Variants in ROBO1 observed in about 807,000 individuals in gnomAD.
The protein encoded by ROBO1 is roundabout guidance receptor 1.
In ROBO1, 149 loss-of-function variants were observed where a neutral mutation model predicts 195.9. The observed-to-expected ratio is 0.76, with a 90% confidence interval of 0.67 to 0.87. The LOEUF (loss-of-function observed/expected upper bound fraction) is 0.87. Among genes scored for constraint, ROBO1 ranks in the 40% least tolerant of loss-of-function variants. The pLI is 0.00. For missense variants in ROBO1, 1,933 were observed against 2,068.3 expected (o/e 0.93, Z 1.27); for synonymous variants, 816 against 733.2 (o/e 1.11, Z -1.82).
At chr3:78,676,800 A>G (rs926172734) in intron 10 of ROBO1, among the ~76,000 whole-genome samples, 4 of 152,188 alleles carry the variant, frequency 2.6e-5, no homozygotes, top group Non-Finnish European at 4.4e-5. Context: ...GCAGGCCAAC[A>G]TTCAGATTCA....
intron 14 of ROBO1, among the ~76,000 whole-genome samples, chr3:78,667,351 T>C (rs572134356): frequency 6.6e-6 from 1 of 152,262 alleles, no homozygotes; most frequent in Admixed American, 6.5e-5. Flanking sequence ...CAGGGCATAA[T>C]AATCACATCA....
At chr3:79,197,880 T>TG (rs1402844353) in intron 2 of ROBO1, among the ~76,000 whole-genome samples, 1 of 140,148 alleles carries the variant, frequency 7.1e-6, no homozygotes, top group Non-Finnish European at 1.5e-5. Flanking sequence ...ATTTTTTTGA[T>TG]GGGTTTTTTT....
intron 3 of ROBO1, among the ~76,000 whole-genome samples, chr3:78,947,266 G>T (rs1174264953): frequency 6.6e-6 from 1 of 152,042 alleles, no homozygotes; most frequent in Non-Finnish European, 1.5e-5. Context: ...TGACCACATA[G>T]TAGGAAGTAA....
At chr3:79,621,327 A>G (rs890283588) in intron 1 of ROBO1, among the ~76,000 whole-genome samples, 3 of 151,976 alleles carry the variant, frequency 2.0e-5, no homozygotes, top group Admixed American at 2.0e-4. Flanking sequence ...CCCCACCCCT[A>G]TCTCCCTTTG....
At chr3:79,559,044 G>A (rs186952277) in intron 2 of ROBO1, among the ~76,000 whole-genome samples, 1 of 152,258 alleles carries the variant, frequency 6.6e-6, no homozygotes, top group East Asian at 1.9e-4. Flanking sequence ...TAACCTAGTA[G>A]TATATTTTTG....
intron 1 of ROBO1, among the ~76,000 whole-genome samples, chr3:79,730,859 G>T (rs1454286532): frequency 2.2e-5 from 3 of 137,180 alleles, no homozygotes; most frequent in Admixed American, 8.4e-5. Context: ...CTCACTGCAA[G>T]CTCCACCTCC....
intron 3 of ROBO1, among the ~76,000 whole-genome samples, chr3:79,119,515 A>G (rs1049552431): frequency 5.3e-5 from 8 of 152,188 alleles, no homozygotes; most frequent in African/African-American, 1.9e-4. Context: ...GGTCACCCAA[A>G]ACAAATCACA....
intron 2 of ROBO1, among the ~76,000 whole-genome samples, chr3:79,577,717 A>AAAACACAC (rs138930621): frequency 7.1e-6 from 1 of 140,636 alleles, no homozygotes; most frequent in Admixed American, 7.2e-5. Flanking sequence ...CTTTACTAAA[A>AAAACACAC]ACACACACAC....
intron 2 of ROBO1, among the ~76,000 whole-genome samples, chr3:79,523,000 T>C (rs1941272075): frequency 6.6e-6 from 1 of 152,198 alleles, no homozygotes; most frequent in Admixed American, 6.5e-5. Context: ...ATGAAGTGCA[T>C]GTTAAAGGTC....
chr3:79,337,042 G>A (rs886075560), intron 2 of ROBO1, among the ~76,000 whole-genome samples: 2 of 152,196 alleles, frequency 1.3e-5, no homozygotes, highest in Non-Finnish European at 2.9e-5. Context: ...TTTGGAATGG[G>A]TGTATTTACT....
intron 3 of ROBO1, among the ~76,000 whole-genome samples, chr3:79,068,715 AC>A (rs923556177): frequency 3.3e-5 from 5 of 151,766 alleles, no homozygotes; most frequent in African/African-American, 4.8e-5. Context: ...TGCTAAACTT[AC>A]AATAAGAATA....
intron 1 of ROBO1, among the ~76,000 whole-genome samples, chr3:79,650,605 A>G (rs1037663823): frequency 6.6e-6 from 1 of 151,750 alleles, no homozygotes; most frequent in Non-Finnish European, 1.5e-5. Context: ...AAAATATAGA[A>G]AAAAAACCCT....
chr3:79,547,140 G>C (rs370631452), intron 2 of ROBO1, among the ~76,000 whole-genome samples: 3 of 129,220 alleles, frequency 2.3e-5, no homozygotes, highest in African/African-American at 3.0e-5. Flanking sequence ...AGCCGAGATC[G>C]TGCCACTGCA....
intron 10 of ROBO1, among the ~76,000 whole-genome samples, chr3:78,674,154 T>C (rs1045313434): frequency 1.3e-5 from 2 of 152,308 alleles, no homozygotes; most frequent in Non-Finnish European, 2.9e-5. Flanking sequence ...TCTGATATTA[T>C]AGTAAAGAGA....
chr3:79,292,890 T>C (rs1394463364), intron 2 of ROBO1, among the ~76,000 whole-genome samples: 1 of 152,208 alleles, frequency 6.6e-6, no homozygotes, highest in Non-Finnish European at 1.5e-5. Context: ...GCTGGCCTCA[T>C]AAAATAAGTT....
intron 2 of ROBO1, among the ~76,000 whole-genome samples, chr3:79,266,750 G>A (rs1339039995): frequency 6.6e-6 from 1 of 151,510 alleles, no homozygotes; most frequent in Non-Finnish European, 1.5e-5. Flanking sequence ...TAACTAACTG[G>A]TTTGTAACCA....
intron 2 of ROBO1, among the ~76,000 whole-genome samples, chr3:79,464,063 T>C (rs1937809936): frequency 6.6e-6 from 1 of 152,224 alleles, no homozygotes; most frequent in Non-Finnish European, 1.5e-5. Context: ...CTTCATTCAC[T>C]TAATCTAATA....
At chr3:79,135,837 A>G (rs941260594) in intron 2 of ROBO1, among the ~76,000 whole-genome samples, 1 of 152,082 alleles carries the variant, frequency 6.6e-6, no homozygotes, top group Non-Finnish European at 1.5e-5. Context: ...GGGTTTCTCC[A>G]TGTTGGTCAG....
At chr3:79,648,121 A>G (rs891556765) in intron 1 of ROBO1, among the ~76,000 whole-genome samples, 3 of 152,104 alleles carry the variant, frequency 2.0e-5, no homozygotes, top group Non-Finnish European at 4.4e-5. Context: ...TGAGATACCC[A>G]TACATTATAA....
Sources: allele counts gnomAD v4.1 joint callset (sites outside exome capture counted in the v4.1 genomes callset), GRCh38; gene constraint gnomAD v4.1.1; transcripts MANE v1.5; gene names NCBI Gene and HGNC (gene_info 2026-07-23, HGNC 2026-07-21).